The following DHX8 variants were observed in gnomAD, a reference collection of about 807,000 sequenced individuals.
DHX8 encodes the protein DEAH-box helicase 8, also known as ATP-dependent RNA helicase DHX8.
DHX8 carries 67 observed loss-of-function variants against 140.7 expected under a neutral mutation model. That is an observed-to-expected ratio of 0.48 (90% CI 0.39 to 0.58). The LOEUF is 0.58. DHX8 is among the 20% of genes least tolerant of loss of function. The pLI, the probability that DHX8 is intolerant of heterozygous loss-of-function variation, is 0.00. For synonymous variants in DHX8, 533 were observed against 553.2 expected, an observed-to-expected ratio of 0.96 and a Z score of 0.51; for missense variants, 887 against 1,550.7, an observed-to-expected ratio of 0.57 and a Z score of 7.19.
At chr17:43,537,103 C>A (rs888507927) in intron 3 of DHX8, among the ~76,000 whole-genome samples, 10 of 152,186 alleles carry the variant, frequency 6.6e-5, no homozygotes, top group African/African-American at 2.2e-4. Context: ...TGGTGGCTCA[C>A]GCCTATAATC....
chr17:43,529,345 T>A, downstream of DHX8: 2 of 1,401,908 alleles, frequency 1.4e-6, no homozygotes, highest in Admixed American at 1.8e-5. Context: ...CCAAGCTAGC[T>A]CTGCAACAAA....
At chr17:43,513,174 A>T (rs1333101818) in intron 16 of DHX8, among the ~76,000 whole-genome samples, 188 bp from the exon 17 acceptor site, 1 of 152,066 alleles carries the variant, frequency 6.6e-6, no homozygotes, top group Non-Finnish European at 1.5e-5. Context: ...TTTCCAACTT[A>T]ACCATTAAGC....
chr17:43,492,724 A>AACCGAGATCGAG lies in DHX8; in HGVS notation c.550_561dup (p.Asp187_Arg190dup). On this transcript the variant is annotated inframe_insertion, in exon 6 of 23. Transcript: ENST00000262415. ...GAAGCGGAGTCGAAGCCGAGATCGA[A>AACCGAGATCGAG]ACCGAGATCGAGACAGAGATAGGGA... is the stretch of plus-strand genomic sequence containing the variant. The AACCGAGATCGAG allele has an allele frequency of 6.2e-7, 1 of 1,611,786 alleles. No homozygotes were observed. Among genetic ancestry groups the AACCGAGATCGAG allele is most frequent in the Non-Finnish European group, 8.5e-7 (1 of 1,177,920 alleles).
chr17:43,528,559 G>GGGCC, downstream of DHX8: 1 of 1,613,470 alleles, frequency 6.2e-7, no homozygotes, highest in East Asian at 2.2e-5. Flanking sequence ...TGGCTGGGCG[G>GGGCC]GGCCAGCCAG....
downstream of DHX8, chr17:43,529,771 C>T (rs1970795678): frequency 2.5e-6 from 4 of 1,597,838 alleles, no homozygotes; most frequent in Non-Finnish European, 3.4e-6. Context: ...GGGGTCTCCC[C>T]AGGTACTTTT....
At chr17:43,533,594 T>C (rs1971076966) in intron 2 of DHX8, among the ~76,000 whole-genome samples, 1 of 151,948 alleles carries the variant, frequency 6.6e-6, no homozygotes, top group Non-Finnish European at 1.5e-5. Flanking sequence ...GATTTGTTGC[T>C]CAGAGCAATG....
chr17:43,484,830 C>T (rs1039762311), intron 1 of DHX8, among the ~76,000 whole-genome samples: 2 of 151,852 alleles, frequency 1.3e-5, no homozygotes, highest in Non-Finnish European at 2.9e-5. Flanking sequence ...TTTGTAGAGA[C>T]GGGGGTCTCA....
At chr17:43,530,244 AG>A (rs1970842213), downstream of DHX8, 2 of 1,549,702 alleles carry the variant, frequency 1.3e-6, no homozygotes, top group Non-Finnish European at 1.7e-6. Flanking sequence ...GCAGGGGAGG[AG>A]GAAGTCCTAT....
chr17:43,537,279 C>T (rs576193475), intron 3 of DHX8, among the ~76,000 whole-genome samples: 1 of 152,298 alleles, frequency 6.6e-6, no homozygotes, highest in African/African-American at 2.4e-5. Context: ...ACAGAAGAAT[C>T]GCTTGAACCT....
intron 1 of DHX8, among the ~76,000 whole-genome samples, chr17:43,486,869 C>T (rs1410131805): frequency 1.4e-5 from 2 of 140,788 alleles, no homozygotes; most frequent in Non-Finnish European, 3.1e-5. Context: ...GAGCAAGACT[C>T]CGTCTCAAAA....
chr17:43,528,416 A>C, downstream of DHX8: 1 of 785,868 alleles, frequency 1.3e-6, no homozygotes, highest in Non-Finnish European at 2.0e-6. Context: ...GATCTGCCCC[A>C]GAGACATCTG....
At chr17:43,485,478 GA>G (rs1404170576) in intron 1 of DHX8, among the ~76,000 whole-genome samples, 2 of 152,148 alleles carry the variant, frequency 1.3e-5, no homozygotes, top group Admixed American at 6.5e-5. Context: ...TCCCAGCCAA[GA>G]TGTGTCTGTC....
intron 16 of DHX8, among the ~76,000 whole-genome samples, chr17:43,510,556 A>G (rs1238365105): frequency 6.6e-6 from 1 of 152,198 alleles, no homozygotes; most frequent in Admixed American, 6.5e-5. Context: ...TGTAAATGCT[A>G]TATAAGCAGT....
intron 15 of DHX8, 101 bp downstream of exon 15, chr17:43,508,120 A>G (rs1969595227): frequency 1.6e-6 from 2 of 1,256,070 alleles, no homozygotes; most frequent in Non-Finnish European, 2.2e-6. Flanking sequence ...TTTTAAAAAC[A>G]ACTTCTAAAT....
rs5820498 is a variant in DHX8, at chr17:43,523,062, C to CAA, written c.3444-550_3444-549dup. Among the ~76,000 whole-genome samples the CAA allele has an allele frequency of 2.2e-3, 224 of 102,652 alleles. 2 individuals carry two copies. Among genetic ancestry groups the CAA allele is most frequent in the East Asian group, 9.3e-3 (34 of 3,656 alleles). The allele number at this position is 102,652 out of a possible 152,430, so 67.3% of individuals were successfully genotyped here. A position where few individuals can be genotyped will look rare whatever the true frequency, so the allele number is the denominator to read the frequency against. ...TGGGAGACAGAGTGAGACTCCGTCC[C>CAA]AAAAAAAAAAAAAAAAAGAAAGAAA... is the stretch of plus-strand genomic sequence containing the variant. On this transcript the variant is annotated intron_variant, in intron 22 of 22. Coordinates refer to ENST00000262415, the MANE Select transcript of DHX8 (RefSeq NM_004941.3).
chr17:43,533,751 C>G (rs28499143), intron 2 of DHX8: 1 of 1,411,016 alleles, frequency 7.1e-7, no homozygotes, highest in African/African-American at 1.5e-5. Flanking sequence ...AAAATCCTTT[C>G]TGTTGTCTAA....
rs183309117 is a variant in DHX8 at position 43,488,333 on chromosome 17, C to A, written c.149-1116C>A. On this transcript the variant is annotated intron_variant, in intron 1 of 22. Coordinates refer to ENST00000262415, the MANE Select transcript of DHX8 (RefSeq NM_004941.3). ...AGTTTCAAGAACTAGGCAGGTGTGC[C>A]GGGCACAGTGGCTTATGCCTGTAAT... Among the ~76,000 whole-genome samples the A allele has an allele frequency of 8.0e-4, 121 of 151,000 alleles. 1 individual carries two copies. In the East Asian group the frequency reaches 0.02, roughly 25 times the overall value.
At chr17:43,494,581 C>T (rs958693475) in intron 8 of DHX8, among the ~76,000 whole-genome samples, 3 of 151,220 alleles carry the variant, frequency 2.0e-5, no homozygotes, top group Admixed American at 1.3e-4. Context: ...ATTAGCCGGG[C>T]GTCATGGTGC....
chr17:43,531,884 C>T (rs951799375), intron 2 of DHX8, among the ~76,000 whole-genome samples: 1 of 152,216 alleles, frequency 6.6e-6, no homozygotes, highest in Admixed American at 6.5e-5. Flanking sequence ...CAACTCTGCA[C>T]ACTCGTGTTC....
Sources: allele counts gnomAD v4.1 joint callset (sites outside exome capture counted in the v4.1 genomes callset), GRCh38; gene constraint gnomAD v4.1.1; transcripts MANE v1.5; gene names NCBI Gene and HGNC (gene_info 2026-07-23, HGNC 2026-07-21).